ZEB1: variants seen among roughly 807,000 people sequenced by gnomAD.
ZEB1 encodes the protein zinc finger E-box-binding homeobox 1.
Under a neutral mutation model 84.9 loss-of-function variants are expected in ZEB1, and 21 were observed. The observed-to-expected ratio is 0.25, with a 90% confidence interval of 0.18 to 0.36. The LOEUF (loss-of-function observed/expected upper bound fraction) is 0.36. ZEB1 is among the 10% of genes least tolerant of loss of function. ZEB1 has a pLI of 1.00. For synonymous variants in ZEB1, 420 were observed against 471.1 expected (o/e 0.89, Z 1.41); for missense variants, 1,104 against 1,330.2 (o/e 0.83, Z 2.65).
intron 1 of ZEB1, among the ~76,000 whole-genome samples, chr10:31,457,549 A>G (rs1207396948): frequency 6.6e-6 from 1 of 152,120 alleles, no homozygotes; most frequent in East Asian, 1.9e-4. Context: ...CACATATCAA[A>G]CATGCTCTGG....
intron 1 of ZEB1, chr10:31,321,672 A>C: frequency 1.6e-6 from 2 of 1,220,952 alleles, no homozygotes; most frequent in Non-Finnish European, 2.4e-6. Flanking sequence ...AGCTGCTGTA[A>C]ACATGTTTAC....
At chr10:31,483,397 A>G (rs190479420) in intron 2 of ZEB1, among the ~76,000 whole-genome samples, 232 of 152,138 alleles carry the variant, frequency 1.5e-3, no homozygotes, top group African/African-American at 5.4e-3. Context: ...ACCCAGGTCT[A>G]TTTGATTCCA....
chr10:31,419,838 A>C (rs2055846441), intron 1 of ZEB1, among the ~76,000 whole-genome samples: 1 of 152,180 alleles, frequency 6.6e-6, no homozygotes, highest in Non-Finnish European at 1.5e-5. Context: ...TGAATGAATA[A>C]GTTAGGCATG....
At chr10:31,371,736 T>G (rs1255048417) in intron 1 of ZEB1, among the ~76,000 whole-genome samples, 1 of 152,172 alleles carries the variant, frequency 6.6e-6, no homozygotes, top group African/African-American at 2.4e-5. Context: ...CTCTGAATAG[T>G]TTATAAGTGT....
At chr10:31,465,753 A>G (rs911462479) in intron 2 of ZEB1, among the ~76,000 whole-genome samples, 5 of 151,964 alleles carry the variant, frequency 3.3e-5, no homozygotes, top group African/African-American at 7.3e-5. Context: ...AGCTAGGACT[A>G]CAGGCATATG....
chr10:31,423,563 T>TA (rs1158140768), intron 1 of ZEB1, among the ~76,000 whole-genome samples: 3 of 152,148 alleles, frequency 2.0e-5, no homozygotes, highest in African/African-American at 7.2e-5. Context: ...AAGGTTGTGT[T>TA]ACTATATAAT....
At chr10:31,439,743 A>G (rs1178694417) in intron 1 of ZEB1, among the ~76,000 whole-genome samples, 1 of 152,172 alleles carries the variant, frequency 6.6e-6, no homozygotes, top group East Asian at 1.9e-4. Flanking sequence ...GGCAGTTCAT[A>G]AAGAATATTA....
At chr10:31,408,547 A>T in intron 1 of ZEB1, among the ~76,000 whole-genome samples, 1 of 149,252 alleles carries the variant, frequency 6.7e-6, no homozygotes. Context: ...CAAAACAGAG[A>T]TATAGATCAA....
chr10:31,355,097 T>C (rs2041908906), intron 1 of ZEB1: 1 of 152,186 alleles, frequency 6.6e-6, no homozygotes. Flanking sequence ...GTGAAAAAAA[T>C]GTGCTTTAAG....
In ZEB1 at chr10:31,416,582, A is replaced by T. The variant is rs1323948685; in HGVS notation, c.59-44455A>T. Reference sequence around the variant, plus strand: ...AATGTGAATCCTCAACTCTTTAGTCATTCTTCCTATTAGATATTGAAGCAA... The same window carrying T: ...AATGTGAATCCTCAACTCTTTAGTCTTTCTTCCTATTAGATATTGAAGCAA... On this transcript the variant is annotated intron_variant, in intron 1 of 8. Transcript: ENST00000424869. Among the ~76,000 whole-genome samples, 7 of 152,234 alleles carry T rather than the reference A, an allele frequency of 4.6e-5. No homozygotes were observed. In the East Asian group the frequency reaches 1.2e-3, roughly 25 times the overall value.
At chr10:31,379,588 C>T (rs1210967612) in intron 1 of ZEB1, among the ~76,000 whole-genome samples, 2 of 151,824 alleles carry the variant, frequency 1.3e-5, no homozygotes, top group African/African-American at 2.4e-5. Flanking sequence ...GGCAGTCTGC[C>T]GTATCTTTTG....
At chr10:31,500,960 GA>G (rs1453298268) in intron 3 of ZEB1, among the ~76,000 whole-genome samples, 4 of 152,096 alleles carry the variant, frequency 2.6e-5, no homozygotes, top group African/African-American at 9.7e-5. Flanking sequence ...GAAAAGTGGG[GA>G]AAAAAATTAG....
chr10:31,377,955 C>G (rs991618360), intron 1 of ZEB1, among the ~76,000 whole-genome samples: 2 of 151,508 alleles, frequency 1.3e-5, no homozygotes, highest in African/African-American at 2.4e-5. Context: ...TTTACCAATT[C>G]ATTAAACAGC....
chr10:31,495,977 G>GCAC, intron 3 of ZEB1, 139 bp downstream of exon 3: 1 of 850,764 alleles, frequency 1.2e-6, no homozygotes, highest in Non-Finnish European at 2.0e-6. Context: ...AAGTACTTAG[G>GCAC]CATATGGTGC....
chr10:31,450,594 A>G (rs2060444032), intron 1 of ZEB1, among the ~76,000 whole-genome samples: 1 of 152,120 alleles, frequency 6.6e-6, no homozygotes, highest in Admixed American at 6.5e-5. Context: ...CTTGTAAATC[A>G]TTGTTAACTA....
At position 31,521,665 on chromosome 10, in the gene ZEB1, C is replaced by T; in HGVS notation, c.2333C>T (p.Pro778Leu). ...AACTTGTCTTGCGCAAAAAAGGAGC[C>T]ACAAAAGGACAGTTGTGTTACAGAC... ...PLNLSCAKKE[P>L]QKDSCVTDSE... The change falls in exon 7 of 9, where the codon CCA becomes CTA. Residue 778 changes from proline to leucine, a missense_variant. This residue lies in a region of ZEB1 where 531 missense variants were observed against 575.2 expected (regional missense o/e 0.92). Transcript: ENST00000424869. 1.2e-6 allele frequency: 2 copies of T among 1,614,054 alleles called. No individual in the cohort carries two copies. The highest frequency in any genetic ancestry group is 1.7e-6 in the Non-Finnish European group (2 of 1,179,988).
chr10:31,454,490 C>T (rs1336061742), intron 1 of ZEB1, among the ~76,000 whole-genome samples: 1 of 152,154 alleles, frequency 6.6e-6, no homozygotes, highest in Non-Finnish European at 1.5e-5. Context: ...TCTCTGTTTG[C>T]AGATGACATG....
At chr10:31,408,672 T>C (rs1257130612) in intron 1 of ZEB1, among the ~76,000 whole-genome samples, 1 of 144,440 alleles carries the variant, frequency 6.9e-6, no homozygotes, top group Non-Finnish European at 1.5e-5. Flanking sequence ...TAAATGGTGC[T>C]GGGAAAACTG....
chr10:31,386,048 C>T (rs1292452629), intron 1 of ZEB1, among the ~76,000 whole-genome samples: 1 of 152,024 alleles, frequency 6.6e-6, no homozygotes, highest in Non-Finnish European at 1.5e-5. Flanking sequence ...TAATGATTTA[C>T]TTAGGCAGAA....
Sources: allele counts gnomAD v4.1 joint callset (sites outside exome capture counted in the v4.1 genomes callset), GRCh38; gene constraint gnomAD v4.1.1; regional missense constraint gnomAD v4.1.1; transcripts MANE v1.5; gene names NCBI Gene and HGNC (gene_info 2026-07-23, HGNC 2026-07-21).